The following CTIF variants were observed in gnomAD, a reference collection of about 807,000 sequenced individuals.
CTIF encodes the protein cap binding complex dependent translation initiation factor.
In CTIF, 21 loss-of-function variants were observed where a neutral mutation model predicts 66.0. The observed-to-expected ratio is 0.32, with a 90% confidence interval of 0.23 to 0.46. CTIF has a LOEUF of 0.46. CTIF is among the 20% of genes least tolerant of loss of function. CTIF has a pLI of 1.00. For missense variants in CTIF, 739 were observed against 812.7 expected, an observed-to-expected ratio of 0.91 and a Z score of 1.10; for synonymous variants, 345 against 326.4, an observed-to-expected ratio of 1.06 and a Z score of -0.62.
At chr18:48,597,434 G>A (rs2090006698) in intron 1 of CTIF, among the ~76,000 whole-genome samples, 1 of 152,196 alleles carries the variant, frequency 6.6e-6, no homozygotes, top group South Asian at 2.1e-4. Flanking sequence ...GGTGGGGCCT[G>A]GTGGGAGGTG....
intron 6 of CTIF, among the ~76,000 whole-genome samples, chr18:48,696,322 C>T (rs1274282503): frequency 6.6e-6 from 1 of 152,204 alleles, no homozygotes; most frequent in Non-Finnish European, 1.5e-5. Context: ...CCTGTGTCTT[C>T]TATAACCCAG....
At chr18:48,855,142 G>A (rs1437116980) in intron 10 of CTIF, among the ~76,000 whole-genome samples, 1 of 152,162 alleles carries the variant, frequency 6.6e-6, no homozygotes, top group Non-Finnish European at 1.5e-5. Flanking sequence ...TGGTAGATCT[G>A]TGCTGCTTTC....
At chr18:48,727,120 A>G (rs1336715474) in intron 7 of CTIF, among the ~76,000 whole-genome samples, 1 of 151,160 alleles carries the variant, frequency 6.6e-6, no homozygotes, top group East Asian at 1.9e-4. Flanking sequence ...CCAACATACA[A>G]TTGTGGGACA....
chr18:48,631,716 C>G (rs1402089516), intron 2 of CTIF, among the ~76,000 whole-genome samples: 1 of 152,188 alleles, frequency 6.6e-6, no homozygotes, highest in Non-Finnish European at 1.5e-5. Flanking sequence ...GGCCTTTAAA[C>G]CACTCTTGTG....
At chr18:48,770,547 G>A (rs960888971) in intron 9 of CTIF, among the ~76,000 whole-genome samples, 1 of 152,266 alleles carries the variant, frequency 6.6e-6, no homozygotes, top group South Asian at 2.1e-4. Flanking sequence ...GTGTTGTTAG[G>A]AGCGTGGGTG....
At chr18:48,675,362 C>G (rs928851013) in intron 6 of CTIF, among the ~76,000 whole-genome samples, 4 of 152,174 alleles carry the variant, frequency 2.6e-5, no homozygotes, top group African/African-American at 7.2e-5. Flanking sequence ...GTGTTGAGGA[C>G]TGCTGGAGTG....
intron 1 of CTIF, among the ~76,000 whole-genome samples, chr18:48,576,939 G>A (rs186403983): frequency 6.6e-6 from 1 of 152,182 alleles, no homozygotes. Flanking sequence ...CTGCTTATGT[G>A]GAATATGTCC....
At chr18:48,674,752 T>C (rs1403866518) in intron 6 of CTIF, among the ~76,000 whole-genome samples, 1 of 152,190 alleles carries the variant, frequency 6.6e-6, no homozygotes, top group Admixed American at 6.5e-5. Flanking sequence ...GGTGTCTGTG[T>C]CCAGGGCTCA....
intron 10 of CTIF, among the ~76,000 whole-genome samples, chr18:48,837,705 G>A (rs1424224867): frequency 1.3e-5 from 2 of 152,148 alleles, no homozygotes. Context: ...GGCCCCCACA[G>A]CCCTACATAG....
Position 48,589,218 on chromosome 18 carries a change from G to A in CTIF, c.-28-30320G>A, listed in dbSNP as rs185496258. The stretch of plus-strand genomic sequence containing the variant: ...CTCATTCTTTTAGTCCTGGAGGCTG[G>A]AAGTCCAGAATGAAGGTATCTGTAG... On this transcript the variant is annotated intron_variant, in intron 1 of 11. Coordinates refer to ENST00000256413, the MANE Select transcript of CTIF (RefSeq NM_014772.3). Among the ~76,000 whole-genome samples the A allele has an allele frequency of 2.0e-5, 3 of 152,282 alleles. No homozygotes were observed. The East Asian group carries it at 5.8e-4, about 29-fold the overall frequency.
rs189427294 is a variant in CTIF, at chr18:48,812,403, C to T, written c.1372-4818C>T. 5.7e-3 allele frequency among the ~76,000 whole-genome samples: 862 copies of T among 152,302 alleles called. 7 individuals are homozygous for T. The highest frequency in any genetic ancestry group is 0.02 in the African/African-American group (824 of 41,556). On this transcript the variant is annotated intron_variant, in intron 9 of 11. Transcript: ENST00000256413. ...GCAGGTTTGTTCTTTTCCCTTCAAA[C>T]TCATGAAGACGTTGCCTTCATGTCT...
chr18:48,750,986 G>A (rs1907755353), intron 7 of CTIF, among the ~76,000 whole-genome samples: 1 of 152,200 alleles, frequency 6.6e-6, no homozygotes, highest in Admixed American at 6.5e-5. Context: ...GTGTGTCCTT[G>A]GGCAAGTTTC....
chr18:48,684,393 G>A (rs2091801382), intron 6 of CTIF, among the ~76,000 whole-genome samples: 1 of 151,906 alleles, frequency 6.6e-6, no homozygotes, highest in Admixed American at 6.6e-5. Context: ...TACCTTCACT[G>A]TTTTTACTAT....
intron 1 of CTIF, among the ~76,000 whole-genome samples, chr18:48,591,547 A>G (rs1373596966): frequency 6.6e-6 from 1 of 152,232 alleles, no homozygotes; most frequent in Non-Finnish European, 1.5e-5. Context: ...TTAGAGGCAG[A>G]ACTGAAGAGA....
chr18:48,573,154 G>A (rs962451223), intron 1 of CTIF, among the ~76,000 whole-genome samples: 11 of 152,160 alleles, frequency 7.2e-5, no homozygotes, highest in African/African-American at 2.4e-4. Flanking sequence ...AGGCTGCCCT[G>A]GACTGCACTA....
intron 7 of CTIF, among the ~76,000 whole-genome samples, chr18:48,725,089 CT>C (rs768326541): frequency 2.6e-4 from 40 of 152,222 alleles, no homozygotes; most frequent in Non-Finnish European, 5.6e-4. Flanking sequence ...CATGTTTGGT[CT>C]GGTGGTCTGT....
At chr18:48,850,349 C>A (rs1426952698) in intron 10 of CTIF, among the ~76,000 whole-genome samples, 1 of 152,138 alleles carries the variant, frequency 6.6e-6, no homozygotes, top group Non-Finnish European at 1.5e-5. Context: ...GTTCAAGATG[C>A]CGCTAATTTT....
intron 5 of CTIF, among the ~76,000 whole-genome samples, chr18:48,667,429 T>G (rs2091455661): frequency 6.6e-6 from 1 of 152,194 alleles, no homozygotes; most frequent in African/African-American, 2.4e-5. Flanking sequence ...CAGTCTCTCC[T>G]GTGTGCCCCG....
intron 9 of CTIF, among the ~76,000 whole-genome samples, chr18:48,802,125 C>G (rs773231588): frequency 5.3e-5 from 8 of 152,190 alleles, no homozygotes; most frequent in Non-Finnish European, 7.3e-5. Context: ...CACATGGTGA[C>G]TTTCCATTTT....
Sources: allele counts gnomAD v4.1 joint callset (sites outside exome capture counted in the v4.1 genomes callset), GRCh38; gene constraint gnomAD v4.1.1; transcripts MANE v1.5; gene names NCBI Gene and HGNC (gene_info 2026-07-23, HGNC 2026-07-21).